The following FBXO11 variants were observed in gnomAD, a reference collection of about 807,000 sequenced individuals.
The protein encoded by FBXO11 is F-box protein 11.
In FBXO11, 13 loss-of-function variants were observed where a neutral mutation model predicts 117.0. That is an observed-to-expected ratio of 0.11 (90% CI 0.07 to 0.18). FBXO11 has a LOEUF of 0.18. Ranked by LOEUF, FBXO11 falls within the 10% of genes least tolerant of loss-of-function variation. The pLI, the probability that FBXO11 is intolerant of heterozygous loss-of-function variation, is 1.00. For synonymous variants in FBXO11, 490 were observed against 380.5 expected, an observed-to-expected ratio of 1.29 and a Z score of -3.35; for missense variants, 767 against 1,164.4, an observed-to-expected ratio of 0.66 and a Z score of 4.97.
intron 1 of FBXO11, among the ~76,000 whole-genome samples, chr2:47,853,735 T>TAC (rs1251490793): frequency 6.6e-6 from 1 of 152,216 alleles, no homozygotes. Context: ...TACTTAACAG[T>TAC]ACCTGGCAGA....
intron 1 of FBXO11, among the ~76,000 whole-genome samples, chr2:47,868,017 T>C (rs1675327124): frequency 6.6e-6 from 1 of 151,872 alleles, no homozygotes; most frequent in African/African-American, 2.4e-5. Context: ...GTGAGTGAAG[T>C]AAAACATTAA....
At chr2:47,853,173 G>C (rs558362042) in intron 1 of FBXO11, among the ~76,000 whole-genome samples, 3 of 151,772 alleles carry the variant, frequency 2.0e-5, no homozygotes, top group Admixed American at 1.3e-4. Flanking sequence ...CTGAGTTCAA[G>C]CCATTCTCCT....
Position 47,833,067 on chromosome 2 carries a change from G to T in FBXO11, c.938C>A (p.Pro313His). The T allele has an allele frequency of 1.2e-6, 2 of 1,604,764 alleles. No individual in the cohort carries two copies. Among genetic ancestry groups the T allele is most frequent in the Non-Finnish European group, 1.7e-6 (2 of 1,172,256 alleles). ...TATAACTTTGTCTGCCACTTTCCCA[G>T]GTGCTGTGGAGAAGATATTTTAAAG... is the stretch of plus-strand genomic sequence containing the variant. ...ESPITMIGAA[P>H]GKVADKVIIE... Residue 313 changes from proline to histidine, a missense_variant, in exon 8 of 23, where the codon CCT (proline) becomes CAT (histidine). Physicochemically the swap from Pro to His is moderately conservative, Grantham distance 77. Transcript: ENST00000403359.
At chr2:47,866,165 G>A (rs1350080978) in intron 1 of FBXO11, among the ~76,000 whole-genome samples, 1 of 149,004 alleles carries the variant, frequency 6.7e-6, no homozygotes, top group Non-Finnish European at 1.5e-5. Flanking sequence ...AGGAACTCCT[G>A]AGCCCAGGAG....
chr2:47,842,647 T>A (rs900234063), intron 1 of FBXO11, among the ~76,000 whole-genome samples: 1 of 152,124 alleles, frequency 6.6e-6, no homozygotes, highest in Non-Finnish European at 1.5e-5. Flanking sequence ...CTTAAATATA[T>A]GTAAAACACA....
At chr2:47,896,928 G>C (rs1677711953) in intron 1 of FBXO11, among the ~76,000 whole-genome samples, 1 of 151,956 alleles carries the variant, frequency 6.6e-6, no homozygotes, top group Non-Finnish European at 1.5e-5. Context: ...AATCTTCTTT[G>C]ATATTTCTTC....
Position 47,906,259 on chromosome 2 carries a change from G to A in FBXO11, c.-539C>T, listed in dbSNP as rs979472917. The stretch of plus-strand genomic sequence containing the variant: ...TTCCTCCCCCCCACACCCCCTGAAA[G>A]AGATTTCTGTGAGGAATTTTTCTCT... On this transcript the variant is annotated 5_prime_UTR_variant, in exon 1 of 23. Transcript: ENST00000403359. 2 of 159,400 alleles carry A rather than the reference G, an allele frequency of 1.3e-5. No homozygotes were observed. Among genetic ancestry groups the A allele is most frequent in the Non-Finnish European group, 2.8e-5 (2 of 72,570 alleles). 9.9% of individuals were successfully genotyped at this position (159,400 alleles called of 1,614,324 possible). A position where few individuals can be genotyped will look rare whatever the true frequency, so the allele number is the denominator to read the frequency against.
chr2:47,847,324 C>T (rs1470305652), intron 1 of FBXO11, among the ~76,000 whole-genome samples: 3 of 152,296 alleles, frequency 2.0e-5, no homozygotes, highest in East Asian at 3.9e-4. Context: ...GCCTGTGCAG[C>T]ATGTTACTGT....
chr2:47,855,745 T>C (rs1004211265), intron 1 of FBXO11, among the ~76,000 whole-genome samples: 14 of 151,900 alleles, frequency 9.2e-5, no homozygotes, highest in Admixed American at 2.6e-4. Context: ...GGCAGGAGAA[T>C]TGCTTGAACC....
chr2:47,834,989 C>G, intron 5 of FBXO11, 118 bp from the exon 6 acceptor site: 1 of 732,282 alleles, frequency 1.4e-6, no homozygotes, highest in Non-Finnish European at 2.3e-6. Context: ...TCAACTATTC[C>G]AAATAATTTT....
At chr2:47,830,575 G>C (rs2104793800) in intron 11 of FBXO11, among the ~76,000 whole-genome samples, 1 of 152,238 alleles carries the variant, frequency 6.6e-6, no homozygotes, top group South Asian at 2.1e-4. Flanking sequence ...ATGGGGTGGA[G>C]ATAGATTGAA....
chr2:47,892,576 G>C (rs1217926877), intron 1 of FBXO11, among the ~76,000 whole-genome samples: 1 of 152,208 alleles, frequency 6.6e-6, no homozygotes, highest in Non-Finnish European at 1.5e-5. Context: ...TGCAGAATCA[G>C]AAAGATTCAT....
At chr2:47,866,693 C>A (rs529996782) in intron 1 of FBXO11, among the ~76,000 whole-genome samples, 4 of 151,938 alleles carry the variant, frequency 2.6e-5, no homozygotes, top group African/African-American at 9.7e-5. Flanking sequence ...AGGATGGTCT[C>A]GATCTCCTGA....
At chr2:47,860,434 A>G in intron 1 of FBXO11, among the ~76,000 whole-genome samples, 1 of 148,432 alleles carries the variant, frequency 6.7e-6, no homozygotes, top group African/African-American at 2.5e-5. Flanking sequence ...TTTTGGAGAC[A>G]GAGTCTGGCT....
At chr2:47,884,085 G>A (rs1483634623) in intron 1 of FBXO11, among the ~76,000 whole-genome samples, 1 of 152,084 alleles carries the variant, frequency 6.6e-6, no homozygotes, top group Non-Finnish European at 1.5e-5. Context: ...CCGGGCCTGT[G>A]ATGCATACCT....
intron 18 of FBXO11, among the ~76,000 whole-genome samples, chr2:47,812,191 T>G (rs945702602): frequency 6.6e-5 from 10 of 152,232 alleles, no homozygotes. Flanking sequence ...CTCTAGACTT[T>G]TGTTTACGAT....
At chr2:47,826,780 T>C (rs1181132834) in intron 11 of FBXO11, among the ~76,000 whole-genome samples, 1 of 152,188 alleles carries the variant, frequency 6.6e-6, no homozygotes, top group African/African-American at 2.4e-5. Context: ...TTATTTATTT[T>C]TTTGACACAG....
At chr2:47,905,188 G>A (rs1168331095) in intron 1 of FBXO11, 2 of 208,686 alleles carry the variant, frequency 9.6e-6, no homozygotes, top group African/African-American at 2.3e-5. Flanking sequence ...CTCCCGCGGG[G>A]TCTGTGAGCG....
intron 1 of FBXO11, among the ~76,000 whole-genome samples, chr2:47,860,754 G>C (rs545027823): frequency 1.3e-5 from 2 of 150,286 alleles, no homozygotes; most frequent in Admixed American, 6.6e-5. Flanking sequence ...CCCTGCAGGA[G>C]AGAGAGAGAA....
Sources: allele counts gnomAD v4.1 joint callset (sites outside exome capture counted in the v4.1 genomes callset), GRCh38; gene constraint gnomAD v4.1.1; transcripts MANE v1.5; gene names NCBI Gene and HGNC (gene_info 2026-07-23, HGNC 2026-07-21).